Variants in PTPRD observed in about 807,000 individuals in gnomAD.
PTPRD encodes the protein receptor-type tyrosine-protein phosphatase delta.
Under a neutral mutation model 214.5 loss-of-function variants are expected in PTPRD, and 34 were observed. The observed-to-expected ratio is 0.16, with a 90% CI of 0.12 to 0.21. PTPRD has a LOEUF of 0.21. Ranked by LOEUF, PTPRD falls within the 10% of genes least tolerant of loss-of-function variation. The probability of loss-of-function intolerance (pLI) is 1.00; values close to 1 mark genes in which losing one functional copy is unlikely to be tolerated. For missense variants in PTPRD, 2,545 were observed against 2,398.7 expected (o/e 1.06, Z -1.27); for synonymous variants, 1,128 against 845.7 (o/e 1.33, Z -5.79).
At chr9:10,050,376 G>A (rs919069312) in intron 3 of PTPRD, among the ~76,000 whole-genome samples, 11 of 151,346 alleles carry the variant, frequency 7.3e-5, no homozygotes, top group Non-Finnish European at 4.4e-5. Context: ...TGGCCAATAT[G>A]GTGAAACATC....
chr9:9,345,504 A>AT (rs35331017), intron 9 of PTPRD, among the ~76,000 whole-genome samples: 21 of 151,742 alleles, frequency 1.4e-4, no homozygotes, highest in Admixed American at 5.9e-4. Context: ...TAAATAAAAT[A>AT]TTTTTTTTAC....
chr9:9,707,697 G>T (rs1322907991), intron 7 of PTPRD, among the ~76,000 whole-genome samples: 1 of 151,996 alleles, frequency 6.6e-6, no homozygotes, highest in African/African-American at 2.4e-5. Flanking sequence ...TTTCTAAAAT[G>T]TATAAAATAC....
In PTPRD at chr9:10,384,307, T is replaced by A. The variant is rs138931873; in HGVS notation, c.-599-43290A>T. On this transcript the variant is annotated intron_variant, in intron 2 of 45. Transcript: ENST00000381196. ...GTACCCCATAAATATATACACCTAC[T>A]AGGTACCCACAAAAATTAAAATAAA... 2.8e-3 allele frequency among the ~76,000 whole-genome samples: 427 copies of A among 151,810 alleles called. 3 individuals carry two copies. Among genetic ancestry groups the A allele is most frequent in the Admixed American group, 0.025 (384 of 15,170 alleles).
chr9:8,894,688 A>G (rs567677427), intron 11 of PTPRD, among the ~76,000 whole-genome samples: 76 of 152,354 alleles, frequency 5.0e-4, no homozygotes, highest in South Asian at 2.3e-3. Flanking sequence ...GCTATATTGC[A>G]ACAAAGTGTG....
At chr9:8,924,171 T>A (rs1336720815) in intron 11 of PTPRD, among the ~76,000 whole-genome samples, 1 of 152,172 alleles carries the variant, frequency 6.6e-6, no homozygotes, top group Admixed American at 6.5e-5. Context: ...TCAGTGCTTC[T>A]GAGAAAGGGA....
At chr9:9,494,398 G>C (rs1307361435) in intron 8 of PTPRD, among the ~76,000 whole-genome samples, 1 of 152,170 alleles carries the variant, frequency 6.6e-6, no homozygotes, top group Admixed American at 6.5e-5. Context: ...AGTCAATTAA[G>C]GAGGCAAACA....
At chr9:8,523,436 T>G (rs1227390554) in intron 19 of PTPRD, 77 bp downstream of exon 19, 23 of 1,510,098 alleles carry the variant, frequency 1.5e-5, no homozygotes, top group Non-Finnish European at 2.1e-5. Context: ...GCAGCTACAT[T>G]CATTTCATTT....
chr9:8,633,486 G>A (rs765933540), intron 13 of PTPRD, 28 bp from the exon 14 acceptor site: 1 of 1,606,600 alleles, frequency 6.2e-7, no homozygotes, highest in South Asian at 1.1e-5. Flanking sequence ...AGCTGTCACA[G>A]GTGTTGTTAC....
intron 3 of PTPRD, among the ~76,000 whole-genome samples, chr9:10,146,071 T>C (rs1185818592): frequency 1.3e-5 from 2 of 151,894 alleles, no homozygotes; most frequent in Non-Finnish European, 2.9e-5. Flanking sequence ...CTATGAAAAC[T>C]GTATCATTTC....
At chr9:8,670,313 C>G (rs1191919517) in intron 12 of PTPRD, among the ~76,000 whole-genome samples, 1 of 152,112 alleles carries the variant, frequency 6.6e-6, no homozygotes, top group Non-Finnish European at 1.5e-5. Context: ...TTTCCTTTCC[C>G]TCCCCTGACC....
intron 5 of PTPRD, among the ~76,000 whole-genome samples, 182 bp from the exon 6 acceptor site, chr9:9,767,033 A>C (rs981999767): frequency 2.0e-5 from 3 of 151,924 alleles, no homozygotes; most frequent in Non-Finnish European, 2.9e-5. Context: ...GCACATTAAG[A>C]CAAAAAAGAC....
At chr9:9,652,978 A>T (rs16929992) in intron 7 of PTPRD, among the ~76,000 whole-genome samples, 1 of 151,982 alleles carries the variant, frequency 6.6e-6, no homozygotes, top group African/African-American at 2.4e-5. Context: ...GTCACAATTT[A>T]TTCTTTATGG....
chr9:9,064,338 T>C lies in PTPRD; in HGVS notation c.-142-45603A>G, dbSNP rs564817438. ...TATCATAGAATAGTCTGTTGGGTAA[T>C]TTGTATATAGGTCATCAGGATTTCT... On this transcript the variant is annotated intron_variant, in intron 10 of 45. Coordinates refer to ENST00000381196, the MANE Select transcript of PTPRD (RefSeq NM_002839.4). Among the ~76,000 whole-genome samples, 3 of 152,290 alleles carry C rather than the reference T, an allele frequency of 2.0e-5. No homozygotes were observed. The South Asian group carries it at 6.2e-4, about 32-fold the overall frequency.
rs72692838 is a variant in PTPRD at position 9,014,177 on chromosome 9, G to T, written c.-104+4520C>A. On this transcript the variant is annotated intron_variant, in intron 11 of 45. Transcript: ENST00000381196. ...ACTGTTTGGTCCATGCTATTACCTC[G>T]TTTTTTTTTGTTTGTTTGTTTGTTT... Among the ~76,000 whole-genome samples the T allele has an allele frequency of 6.6e-3, 814 of 123,204 alleles. 31 individuals are homozygous for T. The East Asian group carries it at 0.12, about 17-fold the overall frequency. 80.8% of individuals were successfully genotyped at this position (123,204 alleles called of 152,430 possible).
rs1257253732 is a variant in PTPRD, at chr9:8,647,368, G to T, written c.65-10524C>A. Among the ~76,000 whole-genome samples, 3 of 152,114 alleles carry T rather than the reference G, an allele frequency of 2.0e-5. No homozygotes were observed. The East Asian group carries it at 5.8e-4, about 29-fold the overall frequency. On this transcript the variant is annotated intron_variant, in intron 12 of 45. Transcript: ENST00000381196. ...GATCACCTTGATGAATAACTTTTAA[G>T]AATTTTCCATGCTTATTTTACATAT...
chr9:10,192,238 G>C (rs569112744), intron 3 of PTPRD, among the ~76,000 whole-genome samples: 1 of 152,060 alleles, frequency 6.6e-6, no homozygotes, highest in South Asian at 2.1e-4. Flanking sequence ...AAGATTTTTG[G>C]AGTGTCACTG....
chr9:9,293,923 G>T (rs1354257208), intron 9 of PTPRD, among the ~76,000 whole-genome samples: 2 of 151,410 alleles, frequency 1.3e-5, no homozygotes, highest in Non-Finnish European at 3.0e-5. Flanking sequence ...AAACCTAAAG[G>T]AATCACTTAA....
At chr9:9,192,569 CAA>C (rs368634393) in intron 9 of PTPRD, among the ~76,000 whole-genome samples, 2 of 152,130 alleles carry the variant, frequency 1.3e-5, no homozygotes, top group African/African-American at 2.4e-5. Flanking sequence ...TTTGTTACTA[CAA>C]AAGACTCTGT....
rs540738636 is a variant in PTPRD, at chr9:10,562,075, A to C, written c.-600+50323T>G. ...AACTGATAACATTAATTGAGGAGTGAAACATATTCCATTATCTCTTTTGTA... is the reference window on the plus strand; with the variant it reads ...AACTGATAACATTAATTGAGGAGTGCAACATATTCCATTATCTCTTTTGTA... On this transcript the variant is annotated intron_variant, in intron 2 of 45. Transcript: ENST00000381196. 1.2e-3 allele frequency among the ~76,000 whole-genome samples: 186 copies of C among 152,258 alleles called. 1 individual carries two copies. Among genetic ancestry groups the C allele is most frequent in the African/African-American group, 4.5e-3 (185 of 41,568 alleles).
Sources: allele counts gnomAD v4.1 joint callset (sites outside exome capture counted in the v4.1 genomes callset), GRCh38; gene constraint gnomAD v4.1.1; transcripts MANE v1.5; gene names NCBI Gene and HGNC (gene_info 2026-07-23, HGNC 2026-07-21).